AP3B1: variants seen among roughly 807,000 people sequenced by gnomAD.
AP3B1 encodes AP-3 complex subunit beta-1.
Under a neutral mutation model 132.5 loss-of-function variants are expected in AP3B1, and 61 were observed. The ratio of observed to expected loss-of-function variants is 0.46; its 90% CI spans 0.37 to 0.57. AP3B1 has a LOEUF of 0.57. Ranked by LOEUF, AP3B1 falls within the 20% of genes least tolerant of loss-of-function variation. AP3B1 has a pLI of 0.00. For missense variants in AP3B1, 1,120 were observed against 1,289.4 expected (o/e 0.87, Z 2.01); for synonymous variants, 388 against 438.3 (o/e 0.89, Z 1.43).
chr5:78,033,526 A>C (rs1174389532), intron 24 of AP3B1, among the ~76,000 whole-genome samples: 2 of 152,096 alleles, frequency 1.3e-5, no homozygotes, highest in Non-Finnish European at 2.9e-5. Context: ...TAAAACTTCA[A>C]GACTTTTAAA....
At chr5:78,020,312 T>C (rs757274817) in intron 25 of AP3B1, among the ~76,000 whole-genome samples, 33 of 152,048 alleles carry the variant, frequency 2.2e-4, no homozygotes, top group Non-Finnish European at 4.3e-4. Context: ...AAAAAAACAG[T>C]TCTATAGTGA....
intron 7 of AP3B1, among the ~76,000 whole-genome samples, chr5:78,187,218 C>CTGTT (rs1744639305): frequency 6.6e-6 from 1 of 152,028 alleles, no homozygotes; most frequent in East Asian, 1.9e-4. Flanking sequence ...CTGTTAAGTA[C>CTGTT]ATTAATAAAC....
chr5:78,292,008 G>A (rs1220312873), intron 1 of AP3B1, among the ~76,000 whole-genome samples: 1 of 152,118 alleles, frequency 6.6e-6, no homozygotes, highest in Admixed American at 6.5e-5. Flanking sequence ...CATGGGGAGA[G>A]TGAGTGGCAG....
At chr5:78,258,303 C>A (rs1317488645) in intron 2 of AP3B1, among the ~76,000 whole-genome samples, 1 of 152,076 alleles carries the variant, frequency 6.6e-6, no homozygotes, top group Non-Finnish European at 1.5e-5. Flanking sequence ...GGAACTCAAA[C>A]AATTCTATAG....
intron 22 of AP3B1, among the ~76,000 whole-genome samples, chr5:78,049,890 C>T (rs1748506036): frequency 6.6e-6 from 1 of 152,138 alleles, no homozygotes; most frequent in Non-Finnish European, 1.5e-5. Context: ...TATAACAAAC[C>T]TGCACATGTA....
chr5:78,259,129 T>C (rs1389840453), intron 2 of AP3B1, among the ~76,000 whole-genome samples: 1 of 151,878 alleles, frequency 6.6e-6, no homozygotes, highest in Non-Finnish European at 1.5e-5. Flanking sequence ...GTGCCTGTAG[T>C]CCCAGCTACT....
At chr5:78,193,742 TTTTATATATA>T (rs1385903445) in intron 7 of AP3B1, among the ~76,000 whole-genome samples, 3 of 90,840 alleles carry the variant, frequency 3.3e-5, no homozygotes, top group Non-Finnish European at 6.2e-5. Context: ...GTATATATTT[TTTTATATATA>T]TATATATATA....
intron 3 of AP3B1, among the ~76,000 whole-genome samples, chr5:78,236,300 C>T (rs1381990279): frequency 6.6e-6 from 1 of 152,070 alleles, no homozygotes; most frequent in Non-Finnish European, 1.5e-5. Flanking sequence ...GAACTAGCTA[C>T]TTTACCACCA....
At chr5:78,162,015 T>C (rs1442835855) in intron 13 of AP3B1, among the ~76,000 whole-genome samples, 2 of 152,208 alleles carry the variant, frequency 1.3e-5, no homozygotes, top group East Asian at 1.9e-4. Flanking sequence ...TAGACATTAG[T>C]ATATTTTAAA....
At chr5:78,275,725 G>A (rs1220277466) in intron 1 of AP3B1, among the ~76,000 whole-genome samples, 2 of 151,848 alleles carry the variant, frequency 1.3e-5, no homozygotes, top group Admixed American at 6.6e-5. Context: ...CACCCACCTC[G>A]GCCTCCCAAA....
intron 17 of AP3B1, among the ~76,000 whole-genome samples, chr5:78,116,701 T>C (rs1419045195): frequency 6.6e-6 from 1 of 152,056 alleles, no homozygotes; most frequent in African/African-American, 2.4e-5. Context: ...GGAGTAATCC[T>C]TGACTTCTCT....
chr5:78,183,265 A>C (rs1300915805), intron 7 of AP3B1, among the ~76,000 whole-genome samples: 2 of 152,008 alleles, frequency 1.3e-5, no homozygotes, highest in East Asian at 1.9e-4. Flanking sequence ...ATGAGACAGC[A>C]CCCCTCTCTC....
At chr5:78,114,565 C>T (rs78250223) in intron 18 of AP3B1, among the ~76,000 whole-genome samples, 2,107 of 152,076 alleles carry the variant, frequency 0.014, 58 homozygotes, top group African/African-American at 0.048. Flanking sequence ...TAGGACTGTT[C>T]GCAGAAGAGA....
In AP3B1 at chr5:78,149,056, C is replaced by T. The variant is rs890208404; in HGVS notation, c.1473+7202G>A. Among the ~76,000 whole-genome samples the T allele has an allele frequency of 2.0e-5, 3 of 152,054 alleles. No individual in the cohort carries two copies. The East Asian group carries it at 5.8e-4, about 29-fold the overall frequency. On this transcript the variant is annotated intron_variant, in intron 14 of 26. Transcript: ENST00000255194. ...AATGTCAAACATCTGTTCTACACTGCGGTAGACATTGATCATGTCACTCTA... is the reference window on the plus strand; with the variant it reads ...AATGTCAAACATCTGTTCTACACTGTGGTAGACATTGATCATGTCACTCTA...
At chr5:78,238,495 C>T (rs888467512) in intron 3 of AP3B1, among the ~76,000 whole-genome samples, 2 of 152,060 alleles carry the variant, frequency 1.3e-5, no homozygotes, top group East Asian at 1.9e-4. Flanking sequence ...GTCCCTGGTG[C>T]CAAAAACGTT....
rs1335936172 is a variant in AP3B1 at position 78,219,163 on chromosome 5, A to T, written c.604-2926T>A. ...TTTATGTCATCAAAAATATATACAT[A>T]AATCAGTTTTTCAGCAGGCACTGAC... On this transcript the variant is annotated intron_variant, in intron 6 of 26. Coordinates refer to ENST00000255194, the MANE Select transcript of AP3B1 (RefSeq NM_003664.5). Among the ~76,000 whole-genome samples, 3 of 152,244 alleles carry T rather than the reference A, an allele frequency of 2.0e-5. No homozygotes were observed. In the East Asian group the frequency reaches 5.8e-4, roughly 29 times the overall value.
chr5:78,077,626 A>T (rs1360694236), intron 22 of AP3B1, among the ~76,000 whole-genome samples: 1 of 152,192 alleles, frequency 6.6e-6, no homozygotes, highest in Non-Finnish European at 1.5e-5. Context: ...CTGTTTCAGC[A>T]ATACTCCAGT....
chr5:78,197,510 C>T (rs1354627444), intron 7 of AP3B1, among the ~76,000 whole-genome samples: 1 of 152,088 alleles, frequency 6.6e-6, no homozygotes, highest in Non-Finnish European at 1.5e-5. Context: ...GTACTTTCTA[C>T]ATATTTTGTA....
intron 17 of AP3B1, among the ~76,000 whole-genome samples, chr5:78,126,504 C>CAAAAAAAAAAAA (rs70997969): frequency 2.2e-4 from 14 of 62,378 alleles, no homozygotes; most frequent in African/African-American, 9.4e-4. Flanking sequence ...GACTCTGTCT[C>CAAAAAAAAAAAA]AAAAAAAAAA....
Sources: gnomAD v4.1 joint callset for allele counts (sites outside exome capture counted in the v4.1 genomes callset) on GRCh38, gnomAD v4.1.1 for gene constraint, MANE v1.5 for transcripts, NCBI Gene and HGNC (gene_info 2026-07-23, HGNC 2026-07-21) for gene names.